Variants in TMEM117 observed in about 807,000 individuals in gnomAD.
The protein encoded by TMEM117 is transmembrane protein 117.
Under a neutral mutation model 52.4 loss-of-function variants are expected in TMEM117, and 27 were observed. The observed-to-expected ratio is 0.51, with a 90% CI of 0.38 to 0.71. The LOEUF (loss-of-function observed/expected upper bound fraction) is 0.71. Ranked by LOEUF, TMEM117 falls within the 30% of genes least tolerant of loss-of-function variation. The pLI, the probability that TMEM117 is intolerant of heterozygous loss-of-function variation, is 0.00. For missense variants in TMEM117, 556 were observed against 630.5 expected, an observed-to-expected ratio of 0.88 and a Z score of 1.26; for synonymous variants, 215 against 206.3, an observed-to-expected ratio of 1.04 and a Z score of -0.36.
At chr12:43,877,321 G>A (rs951114744) in intron 2 of TMEM117, among the ~76,000 whole-genome samples, 1 of 152,106 alleles carries the variant, frequency 6.6e-6, no homozygotes, top group South Asian at 2.1e-4. Context: ...CTAATTGAGA[G>A]AATCTATCTC....
intron 3 of TMEM117, among the ~76,000 whole-genome samples, chr12:44,058,921 G>A (rs957731902): frequency 2.6e-5 from 4 of 152,136 alleles, no homozygotes; most frequent in African/African-American, 9.7e-5. Context: ...TGGTGCCAGG[G>A]ACCGGTTTTA....
intron 3 of TMEM117, among the ~76,000 whole-genome samples, chr12:44,038,010 C>T (rs1347192733): frequency 6.6e-6 from 1 of 152,128 alleles, no homozygotes; most frequent in Non-Finnish European, 1.5e-5. Flanking sequence ...GAGCTACCCA[C>T]TGAGGGTCTC....
chr12:43,910,065 C>T (rs1944468855), intron 2 of TMEM117, among the ~76,000 whole-genome samples: 1 of 119,080 alleles, frequency 8.4e-6, no homozygotes, highest in East Asian at 2.6e-4. Flanking sequence ...AGACCAATAT[C>T]CTTGATGAAC....
In TMEM117 at chr12:44,204,876, C is replaced by A. The variant is rs571249047; in HGVS notation, c.511-6414C>A. On this transcript the variant is annotated intron_variant, in intron 4 of 7. Coordinates refer to ENST00000266534, the MANE Select transcript of TMEM117 (RefSeq NM_032256.3). ...TGCAGAAGAATGGAACCGGCCCCTT[C>A]CTTTCACCATATACAAAAATCAACT... 2.0e-5 allele frequency among the ~76,000 whole-genome samples: 3 copies of A among 152,216 alleles called. No individual in the cohort carries two copies. The South Asian group carries it at 6.2e-4, about 32-fold the overall frequency.
chr12:43,845,597 G>C (rs1943192945), intron 2 of TMEM117, among the ~76,000 whole-genome samples: 1 of 151,208 alleles, frequency 6.6e-6, no homozygotes. Flanking sequence ...CAATGTGCAG[G>C]TTTGTTACAT....
Position 44,388,606 on chromosome 12 carries a change from C to T in TMEM117, c.1479C>T (p.Asn493=), listed in dbSNP as rs750325679. 1.4e-5 allele frequency: 22 copies of T among 1,613,292 alleles called. No individual in the cohort carries two copies. The highest frequency in any genetic ancestry group is 4.5e-5 in the East Asian group (2 of 44,870). Residue 493 remains asparagine, a synonymous_variant, in exon 8 of 8, where the codon AAC becomes AAT. Transcript: ENST00000266534. The stretch of plus-strand genomic sequence containing the variant: ...CGGAAAACTTGAGCTCACAGTTGAA[C>T]GAATCTACTAGTGCAACAGAAGCTG... ...LTSENLSSQL[N]ESTSATEADQ...
intron 6 of TMEM117, among the ~76,000 whole-genome samples, chr12:44,373,295 C>G (rs1041035245): frequency 6.6e-6 from 1 of 152,248 alleles, no homozygotes; most frequent in African/African-American, 2.4e-5. Context: ...TTACATGTCT[C>G]TGAGGGAGGT....
the TMEM117 span, chr12:43,798,584 C>A: frequency 6.6e-7 from 1 of 1,519,638 alleles, no homozygotes; most frequent in Admixed American, 2.1e-5. Flanking sequence ...ATCCTCTGGG[C>A]TCTGATTGCA....
intron 3 of TMEM117, among the ~76,000 whole-genome samples, chr12:44,067,539 CCAAGATTGT>C (rs1947239995): frequency 1.3e-5 from 2 of 152,096 alleles, no homozygotes; most frequent in South Asian, 4.1e-4. Flanking sequence ...TCTTGGGTGA[CCAAGATTGT>C]CATTGTCAAT....
At chr12:43,967,885 G>T (rs11182353) in intron 3 of TMEM117, among the ~76,000 whole-genome samples, 7,676 of 152,286 alleles carry the variant, frequency 0.05, 238 homozygotes, top group Non-Finnish European at 0.071. Context: ...AGAAACATGC[G>T]TGTGCGTGTG....
the TMEM117 span, among the ~76,000 whole-genome samples, chr12:43,824,225 T>G: frequency 1.3e-5 from 2 of 152,240 alleles, no homozygotes; most frequent in African/African-American, 4.8e-5. Context: ...GGAGGCTCTC[T>G]GGTCAAACGA....
At chr12:44,171,413 A>C (rs1442442156) in intron 4 of TMEM117, among the ~76,000 whole-genome samples, 1 of 152,114 alleles carries the variant, frequency 6.6e-6, no homozygotes, top group Non-Finnish European at 1.5e-5. Context: ...CCATTAGTGG[A>C]TCTTATCAGC....
At chr12:44,083,135 T>A (rs193050914) in intron 3 of TMEM117, among the ~76,000 whole-genome samples, 1 of 152,288 alleles carries the variant, frequency 6.6e-6, no homozygotes, top group African/African-American at 2.4e-5. Context: ...GCTATGAATA[T>A]TAGTGTAAAC....
At chr12:43,809,440 T>C in the TMEM117 span, among the ~76,000 whole-genome samples, 1 of 152,252 alleles carries the variant, frequency 6.6e-6, no homozygotes, top group Non-Finnish European at 1.5e-5. Flanking sequence ...TGTCTCATGG[T>C]TGTCATGAAA....
chr12:44,161,550 G>A (rs1381092554), intron 4 of TMEM117, among the ~76,000 whole-genome samples: 1 of 152,100 alleles, frequency 6.6e-6, no homozygotes, highest in African/African-American at 2.4e-5. Flanking sequence ...TAAACGAATG[G>A]AATTTATATA....
intron 5 of TMEM117, among the ~76,000 whole-genome samples, chr12:44,284,221 A>T (rs1362627479): frequency 6.6e-6 from 1 of 152,076 alleles, no homozygotes; most frequent in East Asian, 1.9e-4. Flanking sequence ...CTGAGGCAGG[A>T]GACTTGCTTG....
intron 2 of TMEM117, among the ~76,000 whole-genome samples, chr12:43,882,759 C>T (rs1293028291): frequency 2.0e-5 from 3 of 152,108 alleles, no homozygotes; most frequent in African/African-American, 7.2e-5. Flanking sequence ...GCAAGGGCAC[C>T]TTCTGGTGGT....
chr12:43,965,410 A>G (rs1273679885), intron 3 of TMEM117, among the ~76,000 whole-genome samples: 1 of 152,200 alleles, frequency 6.6e-6, no homozygotes, highest in Non-Finnish European at 1.5e-5. Flanking sequence ...AGGAAGCACT[A>G]GACTGGAAAA....
chr12:43,840,032 C>T (rs1268863914), intron 1 of TMEM117, among the ~76,000 whole-genome samples: 2 of 152,184 alleles, frequency 1.3e-5, no homozygotes, highest in Non-Finnish European at 2.9e-5. Flanking sequence ...TCTACATCAG[C>T]CCCAGGCGGT....
Sources: allele counts gnomAD v4.1 joint callset (sites outside exome capture counted in the v4.1 genomes callset), GRCh38; gene constraint gnomAD v4.1.1; transcripts MANE v1.5; gene names NCBI Gene and HGNC (gene_info 2026-07-23, HGNC 2026-07-21).